The following ENOX1 variants were observed in gnomAD, a reference collection of about 807,000 sequenced individuals.
ENOX1 encodes ecto-NOX disulfide-thiol exchanger 1, also known as candidate growth-related and time keeping constitutive hydroquinone (NADH) oxidase.
A neutral mutation model predicts 82.5 loss-of-function variants in ENOX1; 42 were observed. That is an observed-to-expected ratio of 0.51 (90% CI 0.40 to 0.66). The LOEUF (loss-of-function observed/expected upper bound fraction) is 0.66. Ranked by LOEUF, ENOX1 falls within the 30% of genes least tolerant of loss-of-function variation. ENOX1 has a pLI of 0.00. For synonymous variants in ENOX1, 271 were observed against 282.2 expected (o/e 0.96, Z 0.40); for missense variants, 608 against 811.6 (o/e 0.75, Z 3.05).
At chr13:43,619,953 GT>G (rs887629924) in intron 2 of ENOX1, among the ~76,000 whole-genome samples, 1 of 151,970 alleles carries the variant, frequency 6.6e-6, no homozygotes, top group Non-Finnish European at 1.5e-5. Context: ...TCTGTTCAGG[GT>G]ATCTAACTCT....
At chr13:43,521,283 T>C (rs1002062550) in intron 2 of ENOX1, among the ~76,000 whole-genome samples, 1 of 152,098 alleles carries the variant, frequency 6.6e-6, no homozygotes. Context: ...TGAGTTCAAG[T>C]TTAGACCAAT....
intron 3 of ENOX1, among the ~76,000 whole-genome samples, chr13:43,450,124 G>A (rs973394): frequency 1.6e-4 from 25 of 151,878 alleles, no homozygotes; most frequent in African/African-American, 4.8e-5. Flanking sequence ...GATTTACAAC[G>A]TTCTATGTGG....
chr13:43,265,499 A>G, intron 13 of ENOX1, 45 bp from the exon 14 acceptor site: 1 of 1,531,538 alleles, frequency 6.5e-7, no homozygotes, highest in Non-Finnish European at 9.0e-7. Flanking sequence ...AAAATGAATA[A>G]GCAAGCAAAT....
At chr13:43,248,367 T>C (rs1376154650) in intron 14 of ENOX1, among the ~76,000 whole-genome samples, 25 of 151,966 alleles carry the variant, frequency 1.6e-4, no homozygotes, top group Admixed American at 1.4e-3. Context: ...ATATGTATGG[T>C]GGATAGTGAA....
intron 3 of ENOX1, among the ~76,000 whole-genome samples, chr13:43,463,776 C>T (rs533676507): frequency 6.6e-6 from 1 of 152,092 alleles, no homozygotes; most frequent in African/African-American, 2.4e-5. Context: ...GATCAATTTG[C>T]TTATTAAAAC....
intron 2 of ENOX1, among the ~76,000 whole-genome samples, chr13:43,492,399 A>C (rs1487384285): frequency 6.6e-6 from 1 of 152,200 alleles, no homozygotes; most frequent in Non-Finnish European, 1.5e-5. Context: ...AGCAATTAAA[A>C]TAGGGGGTCA....
intron 3 of ENOX1, among the ~76,000 whole-genome samples, chr13:43,468,515 C>T (rs1001679710): frequency 5.9e-5 from 9 of 151,736 alleles, no homozygotes; most frequent in African/African-American, 1.7e-4. Flanking sequence ...TCAAAGCAGG[C>T]GCAGTGGCTC....
chr13:43,774,137 A>G (rs548780314), intron 1 of ENOX1, among the ~76,000 whole-genome samples: 2 of 152,330 alleles, frequency 1.3e-5, no homozygotes, highest in African/African-American at 2.4e-5. Context: ...TCTAATGCCC[A>G]AGAAAATTCC....
chr13:43,338,610 G>T (rs4942218), intron 9 of ENOX1, among the ~76,000 whole-genome samples: 32,020 of 150,496 alleles, frequency 0.21, 4,259 homozygotes, highest in East Asian at 0.55. Context: ...GACATCCATG[G>T]TCAGAAGAGA....
chr13:43,564,788 C>T (rs143898521), intron 2 of ENOX1, among the ~76,000 whole-genome samples: 4 of 152,258 alleles, frequency 2.6e-5, no homozygotes, highest in East Asian at 1.9e-4. Flanking sequence ...ACACCTTTCC[C>T]ACAGAAATAC....
chr13:43,563,857 C>T (rs564132735), intron 2 of ENOX1, among the ~76,000 whole-genome samples: 6 of 152,096 alleles, frequency 3.9e-5, no homozygotes, highest in Admixed American at 2.0e-4. Context: ...AATAAAAGGT[C>T]TCGCAGTAAA....
chr13:43,585,063 G>A (rs893619120), intron 2 of ENOX1, among the ~76,000 whole-genome samples: 5 of 152,190 alleles, frequency 3.3e-5, no homozygotes, highest in Non-Finnish European at 7.4e-5. Context: ...ATGTGATTAG[G>A]TTACAGATCT....
chr13:43,316,413 G>C (rs2047487418), intron 11 of ENOX1, among the ~76,000 whole-genome samples: 2 of 152,134 alleles, frequency 1.3e-5, no homozygotes, highest in South Asian at 4.1e-4. Context: ...GCACATATGA[G>C]AGAGATGTCA....
chr13:43,643,217 C>G (rs1050422795), intron 2 of ENOX1, among the ~76,000 whole-genome samples: 2 of 152,100 alleles, frequency 1.3e-5, no homozygotes, highest in African/African-American at 2.4e-5. Flanking sequence ...TGCCAAGGAC[C>G]GAGGGTAGGT....
chr13:43,289,990 T>C (rs925387337), intron 12 of ENOX1, among the ~76,000 whole-genome samples: 3 of 151,932 alleles, frequency 2.0e-5, no homozygotes, highest in Admixed American at 1.3e-4. Flanking sequence ...GCATCACTAA[T>C]CATCAGAGAA....
intron 2 of ENOX1, among the ~76,000 whole-genome samples, chr13:43,554,108 T>C (rs965456049): frequency 6.6e-6 from 1 of 152,124 alleles, no homozygotes; most frequent in Admixed American, 6.6e-5. Context: ...ACATAAATAA[T>C]TACAGGTGGA....
intron 5 of ENOX1, among the ~76,000 whole-genome samples, chr13:43,391,968 C>G (rs1347813860): frequency 6.6e-6 from 1 of 152,150 alleles, no homozygotes; most frequent in Non-Finnish European, 1.5e-5. Context: ...CTTCACATAA[C>G]CAGTTCCACC....
intron 1 of ENOX1, among the ~76,000 whole-genome samples, chr13:43,687,856 G>A (rs2086156075): frequency 6.6e-6 from 1 of 152,098 alleles, no homozygotes; most frequent in African/African-American, 2.4e-5. Flanking sequence ...AAGCCAATCT[G>A]GAGATCAGGA....
intron 1 of ENOX1, among the ~76,000 whole-genome samples, chr13:43,766,854 T>C (rs1951305963): frequency 6.6e-6 from 1 of 152,034 alleles, no homozygotes; most frequent in African/African-American, 2.4e-5. Context: ...CAGCTGCAAG[T>C]TATCATAAGC....
Sources: gnomAD v4.1 joint callset for allele counts (sites outside exome capture counted in the v4.1 genomes callset) on GRCh38, gnomAD v4.1.1 for gene constraint, MANE v1.5 for transcripts, NCBI Gene and HGNC (gene_info 2026-07-23, HGNC 2026-07-21) for gene names.